XKR6: variants seen among roughly 807,000 people sequenced by gnomAD.
XKR6 encodes the protein XK related 6.
In XKR6, 22 loss-of-function variants were observed where a neutral mutation model predicts 56.7. The observed-to-expected ratio is 0.39, with a 90% CI of 0.28 to 0.55. The LOEUF is 0.55. Among genes scored for constraint, XKR6 ranks in the 20% least tolerant of loss-of-function variants. The pLI, the probability that XKR6 is intolerant of heterozygous loss-of-function variation, is 0.66. For missense variants in XKR6, 852 were observed against 889.0 expected (o/e 0.96, Z 0.53); for synonymous variants, 524 against 387.8 (o/e 1.35, Z -4.13).
rs191701652 is a variant in XKR6 at position 10,902,484 on chromosome 8, G to C, written c.962-3568C>G. Among the ~76,000 whole-genome samples the C allele has an allele frequency of 1.6e-3, 244 of 152,250 alleles. 2 individuals carry two copies. The highest frequency in any genetic ancestry group is 5.7e-3 in the African/African-American group (236 of 41,530). ...GGCATGCTTCCTGCCATGTCGCGCT[G>C]CTCCCACTCTCCATCCTTTCTCCGT... On this transcript the variant is annotated intron_variant, in intron 2 of 2. Coordinates refer to ENST00000416569, the MANE Select transcript of XKR6 (RefSeq NM_173683.4).
intron 1 of XKR6, among the ~76,000 whole-genome samples, chr8:11,036,959 C>T (rs1223558231): frequency 1.3e-5 from 2 of 152,148 alleles, no homozygotes; most frequent in Non-Finnish European, 2.9e-5. Flanking sequence ...GTTAGCTCTC[C>T]CCTGCTTGAG....
At chr8:11,135,866 A>G (rs546129426) in intron 1 of XKR6, among the ~76,000 whole-genome samples, 1 of 152,272 alleles carries the variant, frequency 6.6e-6, no homozygotes, top group African/African-American at 2.4e-5. Context: ...AAATACAGAA[A>G]AGTACATTTT....
At chr8:10,937,687 G>T (rs1359227821) in intron 1 of XKR6, among the ~76,000 whole-genome samples, 27 of 147,608 alleles carry the variant, frequency 1.8e-4, no homozygotes, top group East Asian at 3.9e-4. Flanking sequence ...GCCCCTGCTG[G>T]GGGGTGCCTC....
At chr8:11,154,980 G>A (rs538798288) in intron 1 of XKR6, among the ~76,000 whole-genome samples, 1 of 152,166 alleles carries the variant, frequency 6.6e-6, no homozygotes, top group African/African-American at 2.4e-5. Context: ...GACAAATCAA[G>A]AAATATAAAA....
At chr8:11,053,096 T>A (rs1013829950) in intron 1 of XKR6, among the ~76,000 whole-genome samples, 10 of 152,012 alleles carry the variant, frequency 6.6e-5, no homozygotes, top group African/African-American at 2.4e-4. Flanking sequence ...AGCCAATGAC[T>A]CCCAAGGGAC....
chr8:11,185,692 T>G (rs960765221), intron 1 of XKR6, among the ~76,000 whole-genome samples: 1 of 152,212 alleles, frequency 6.6e-6, no homozygotes, highest in African/African-American at 2.4e-5. Flanking sequence ...CAATCTTTCC[T>G]CAACCAGATG....
chr8:10,962,788 G>A (rs749056588), intron 1 of XKR6, among the ~76,000 whole-genome samples: 2 of 152,074 alleles, frequency 1.3e-5, no homozygotes, highest in Non-Finnish European at 2.9e-5. Context: ...ACCACACCTG[G>A]CTAATTTTAT....
At chr8:11,046,346 G>C (rs751399982) in intron 1 of XKR6, among the ~76,000 whole-genome samples, 2 of 152,146 alleles carry the variant, frequency 1.3e-5, no homozygotes, top group Non-Finnish European at 2.9e-5. Context: ...GTTGCAATGA[G>C]CCGAGGTTGT....
chr8:10,916,984 C>G (rs963492587), intron 2 of XKR6, among the ~76,000 whole-genome samples: 1 of 152,150 alleles, frequency 6.6e-6, no homozygotes, highest in African/African-American at 2.4e-5. Flanking sequence ...CTAATTGTAT[C>G]TCAGAGCTCC....
chr8:11,029,117 C>T (rs181142580), intron 1 of XKR6, among the ~76,000 whole-genome samples: 2 of 152,296 alleles, frequency 1.3e-5, no homozygotes, highest in African/African-American at 4.8e-5. Flanking sequence ...GTAGGCTCTG[C>T]TCTTTCATGT....
intron 1 of XKR6, among the ~76,000 whole-genome samples, chr8:11,049,267 G>C (rs1240351442): frequency 1.3e-5 from 2 of 152,244 alleles, no homozygotes; most frequent in Non-Finnish European, 2.9e-5. Context: ...CATCTCTGCT[G>C]CCTCTTTTAA....
At chr8:11,125,497 T>G (rs531249043) in intron 1 of XKR6, among the ~76,000 whole-genome samples, 2 of 152,104 alleles carry the variant, frequency 1.3e-5, no homozygotes, top group Non-Finnish European at 2.9e-5. Flanking sequence ...GCAGGAAACA[T>G]ACAGAATTGT....
At chr8:11,090,101 CCACA>C (rs1798016164) in intron 1 of XKR6, among the ~76,000 whole-genome samples, 1 of 151,928 alleles carries the variant, frequency 6.6e-6, no homozygotes, top group Non-Finnish European at 1.5e-5. Context: ...TTTTATTTTC[CCACA>C]CAGAGTCTTG....
intron 1 of XKR6, among the ~76,000 whole-genome samples, chr8:11,029,000 A>G (rs1798931797): frequency 6.6e-6 from 1 of 152,086 alleles, no homozygotes; most frequent in African/African-American, 2.4e-5. Context: ...GGGCCAGGAC[A>G]ATACCTCATG....
chr8:11,152,439 TA>T (rs558390361), intron 1 of XKR6, among the ~76,000 whole-genome samples: 1 of 152,116 alleles, frequency 6.6e-6, no homozygotes, highest in East Asian at 1.9e-4. Flanking sequence ...AGATACATAA[TA>T]AATCATGGGT....
intron 1 of XKR6, chr8:11,126,060 G>GTT (rs1211893012): frequency 3.4e-5 from 5 of 146,300 alleles, no homozygotes; most frequent in Non-Finnish European, 6.1e-5. Context: ...GGTGGTTTTT[G>GTT]TTTTTTTTTT....
chr8:11,201,393 G>T lies in XKR6; in HGVS notation c.-54C>A. ...GGGGGGGAGGGACGGCGGGGGGGGGGGGAAGAAGGCAGGGAACGGGGAGGG... is the reference window on the plus strand; with the variant it reads ...GGGGGGGAGGGACGGCGGGGGGGGGTGGAAGAAGGCAGGGAACGGGGAGGG... On this transcript the variant is annotated 5_prime_UTR_variant, in exon 1 of 3. Coordinates refer to ENST00000416569, the MANE Select transcript of XKR6 (RefSeq NM_173683.4). The T allele has an allele frequency of 1.0e-6, 1 of 988,730 alleles. No homozygotes were observed. The highest frequency in any genetic ancestry group is 1.3e-6 in the Non-Finnish European group (1 of 753,430). 61.2% of individuals were successfully genotyped at this position (988,730 alleles called of 1,614,324 possible).
At chr8:11,029,378 A>G (rs1798940694) in intron 1 of XKR6, among the ~76,000 whole-genome samples, 1 of 152,028 alleles carries the variant, frequency 6.6e-6, no homozygotes, top group African/African-American at 2.4e-5. Flanking sequence ...TAAATCTCCA[A>G]CCCTTAATGT....
intron 1 of XKR6, among the ~76,000 whole-genome samples, chr8:11,059,008 T>A (rs928063907): frequency 2.8e-4 from 43 of 152,182 alleles, no homozygotes; most frequent in African/African-American, 9.9e-4. Context: ...AAACTGAAGC[T>A]CAGAAAGTTG....
Sources: gnomAD v4.1 joint callset for allele counts (sites outside exome capture counted in the v4.1 genomes callset) on GRCh38, gnomAD v4.1.1 for gene constraint, MANE v1.5 for transcripts, NCBI Gene and HGNC (gene_info 2026-07-23, HGNC 2026-07-21) for gene names.